ATM: variants seen among roughly 807,000 people sequenced by gnomAD.
ATM encodes the protein serine-protein kinase ATM.
ATM carries 308 observed loss-of-function variants against 387.0 expected under a neutral mutation model. That is an observed-to-expected ratio of 0.80 (90% CI 0.73 to 0.87). ATM has a LOEUF of 0.87. Ranked by LOEUF, ATM falls within the 40% of genes least tolerant of loss-of-function variation. The probability of loss-of-function intolerance (pLI) is 0.00; values close to 1 mark genes in which losing one functional copy is unlikely to be tolerated. For missense variants in ATM, 3,312 were observed against 3,560.9 expected (o/e 0.93, Z 1.78); for synonymous variants, 1,156 against 1,187.3 (o/e 0.97, Z 0.54).
chr11:108,294,799 G>A, intron 31 of ATM, 128 bp from the exon 32 acceptor site: 1 of 945,204 alleles, frequency 1.1e-6, no homozygotes. Context: ...TTTCTTCCTT[G>A]ATTAGTAGTA....
At chr11:108,317,205 C>T (rs371509038) in intron 42 of ATM, among the ~76,000 whole-genome samples, 168 bp from the exon 43 acceptor site, 2 of 151,938 alleles carry the variant, frequency 1.3e-5, no homozygotes, top group South Asian at 4.2e-4. Flanking sequence ...TCCCAAAGTG[C>T]TGAGATTACA....
chr11:108,266,882 G>C (rs2081280323), intron 16 of ATM, among the ~76,000 whole-genome samples: 1 of 146,644 alleles, frequency 6.8e-6, no homozygotes, highest in African/African-American at 2.6e-5. Context: ...TGCAATCTCT[G>C]CCTCCTGAGT....
At chr11:108,280,019 C>T (rs758945348) in intron 23 of ATM, among the ~76,000 whole-genome samples, 9 of 152,208 alleles carry the variant, frequency 5.9e-5, no homozygotes, top group South Asian at 4.1e-4. Flanking sequence ...TGATATTTCA[C>T]GTTTCTGTAG....
chr11:108,345,845 G>T lies in ATM; in HGVS notation c.8521G>T (p.Asp2841Tyr), dbSNP rs786203013. The T allele has an allele frequency of 3.1e-6, 5 of 1,613,846 alleles. No individual in the cohort carries two copies. Among genetic ancestry groups the T allele is most frequent in the Middle Eastern group, 3.3e-4 (2 of 6,056 alleles). ...TTACTTCTGCATGGAAAAATTCTTG[G>T]ATCCAGCTATTTGGTTTGAGAAGCG... ...FRYFCMEKFLDPAIWFEKRLA... is the reference protein window; with the variant it reads ...FRYFCMEKFLYPAIWFEKRLA... The change falls in exon 58 of 63, where the codon GAT (aspartate) becomes TAT (tyrosine). Residue 2841 changes from aspartate to tyrosine, a missense_variant. Physicochemically the swap from Asp to Tyr is radical, Grantham distance 160 (BLOSUM62 -3). Coordinates refer to ENST00000675843, the MANE Select transcript of ATM (RefSeq NM_000051.4).
intron 37 of ATM, among the ~76,000 whole-genome samples, chr11:108,305,365 A>G (rs758683134): frequency 1.3e-5 from 2 of 152,172 alleles, no homozygotes; most frequent in African/African-American, 2.4e-5. Flanking sequence ...GGATCACTTC[A>G]GGTCAGGAGT....
At chr11:108,272,641 T>C (rs1253134759) in intron 21 of ATM, 34 bp downstream of exon 21, 32 of 1,612,554 alleles carry the variant, frequency 2.0e-5, no homozygotes, top group Non-Finnish European at 2.6e-5. Context: ...AAGATCTCCA[T>C]TGAAAATTTT....
At chr11:108,355,171 T>G in intron 61 of ATM, 1 of 360,278 alleles carries the variant, frequency 2.8e-6, no homozygotes, top group Non-Finnish European at 5.1e-6. Context: ...TATTATTATT[T>G]TCAGAATGGT....
intron 4 of ATM, chr11:108,230,601 AT>A (rs1356589140): frequency 6.6e-6 from 1 of 152,210 alleles, no homozygotes; most frequent in Non-Finnish European, 1.5e-5. Context: ...CCTAGGTTTT[AT>A]GCTACTCTCC....
chr11:108,290,368 A>T (rs1049490136), intron 29 of ATM: 1 of 152,098 alleles, frequency 6.6e-6, no homozygotes, highest in South Asian at 2.1e-4. Context: ...GCTCACACCT[A>T]TAATCCCAGC....
chr11:108,244,720 A>G (rs375603603), intron 6 of ATM, 68 bp from the exon 7 acceptor site: 3 of 1,228,570 alleles, frequency 2.4e-6, no homozygotes, highest in Non-Finnish European at 3.6e-6. Context: ...ATACCACTTC[A>G]TAACTGTTCA....
rs1266358260 is a variant in ATM at position 108,251,962 on chromosome 11, A to G, written c.1733A>G (p.Lys578Arg). ...RSFSLKESIMKWLLFYQLEGD... is the reference protein window; with the variant it reads ...RSFSLKESIMRWLLFYQLEGD... ...TTTTCTTTAAAGGAATCAATAATGA[A>G]ATGGCTCTTATTCTATCAGTTAGAG... The change falls in exon 11 of 63, where the codon AAA becomes AGA. Residue 578 changes from lysine (K) to arginine (R), a missense_variant. Around this residue, in one of 4 missense-constraint regions of ATM, gnomAD observed 1,791 missense variants for 1,804.5 expected, o/e 0.99. Transcript: ENST00000675843. The G allele has an allele frequency of 6.2e-7, 1 of 1,613,854 alleles. No homozygotes were observed. The highest frequency in any genetic ancestry group is 1.1e-5 in the South Asian group (1 of 91,076).
At chr11:108,226,002 A>G (rs2078718654) in intron 1 of ATM, 1 of 152,162 alleles carries the variant, frequency 6.6e-6, no homozygotes, top group Admixed American at 6.5e-5. Flanking sequence ...TTCTTGAGAT[A>G]TAGTTATTTG....
chr11:108,259,170 C>T (rs1328002215), intron 16 of ATM, 95 bp downstream of exon 16: 2 of 1,012,684 alleles, frequency 2.0e-6, no homozygotes, highest in African/African-American at 3.2e-5. Flanking sequence ...CATCTCACAA[C>T]ATATAGCTCT....
At chr11:108,272,331 C>T (rs529515363) in intron 20 of ATM, among the ~76,000 whole-genome samples, 40 of 152,256 alleles carry the variant, frequency 2.6e-4, no homozygotes, top group African/African-American at 7.5e-4. Flanking sequence ...AAATAATATA[C>T]GCTAAAATGA....
intron 41 of ATM, 37 bp downstream of exon 41, chr11:108,315,948 C>A (rs2136123828): frequency 6.2e-7 from 1 of 1,606,084 alleles, no homozygotes. Flanking sequence ...TATAGTAATT[C>A]TGTTTATGAA....
At chr11:108,266,988 G>T (rs1223893161) in intron 16 of ATM, among the ~76,000 whole-genome samples, 183 bp from the exon 17 acceptor site, 1 of 151,948 alleles carries the variant, frequency 6.6e-6, no homozygotes, top group Non-Finnish European at 1.5e-5. Flanking sequence ...TAGAGACAAG[G>T]TTTCACCATG....
chr11:108,234,685 A>T (rs553369813), intron 4 of ATM, among the ~76,000 whole-genome samples: 1 of 152,110 alleles, frequency 6.6e-6, no homozygotes, highest in Admixed American at 6.6e-5. Flanking sequence ...TGAAAAATTT[A>T]AAAAATTAGC....
At chr11:108,314,847 T>C (rs986324356) in intron 40 of ATM, among the ~76,000 whole-genome samples, 2 of 152,210 alleles carry the variant, frequency 1.3e-5, no homozygotes, top group Non-Finnish European at 2.9e-5. Context: ...AAAATGCATT[T>C]ACAGAACTGT....
In ATM at chr11:108,248,963, ATTTCT is replaced by A. The variant is rs2079990512; in HGVS notation, c.1097_1101del (p.Ile366ThrfsTer11). 1.9e-6 allele frequency: 3 copies of A among 1,611,590 alleles called. No individual in the cohort carries two copies. The highest frequency in any genetic ancestry group is 1.7e-5 in the Admixed American group (1 of 59,852). On this transcript the variant is annotated frameshift_variant, in exon 9 of 63. Transcript: ENST00000675843. LOFTEE classifies it high-confidence loss of function. ...TAATGAAGATACCAGATCCTTGGAG[ATTTCT>A]CAATCTTACACTACTACACAAAGAG...
Sources: gnomAD v4.1 joint callset for allele counts (sites outside exome capture counted in the v4.1 genomes callset) on GRCh38, gnomAD v4.1.1 for gene constraint, gnomAD v4.1.1 regional missense constraint, MANE v1.5 for transcripts, NCBI Gene and HGNC (gene_info 2026-07-23, HGNC 2026-07-21) for gene names.